NRG3: variants seen among roughly 807,000 people sequenced by gnomAD.
The protein encoded by NRG3 is neuregulin 3.
A neutral mutation model predicts 66.9 loss-of-function variants in NRG3; 31 were observed. The ratio of observed to expected loss-of-function variants is 0.46; its 90% CI spans 0.35 to 0.63. The LOEUF is 0.63. Ranked by LOEUF, NRG3 falls within the 20% of genes least tolerant of loss-of-function variation. The pLI is 0.00. For synonymous variants in NRG3, 393 were observed against 359.4 expected, an observed-to-expected ratio of 1.09 and a Z score of -1.06; for missense variants, 910 against 878.9, an observed-to-expected ratio of 1.04 and a Z score of -0.45.
intron 1 of NRG3, among the ~76,000 whole-genome samples, chr10:82,002,546 A>G (rs2133691907): frequency 6.6e-6 from 1 of 152,288 alleles, no homozygotes; most frequent in East Asian, 1.9e-4. Context: ...GTACAGTATA[A>G]ACTTCTAGTT....
intron 2 of NRG3, among the ~76,000 whole-genome samples, chr10:82,452,954 A>T (rs1175930744): frequency 1.3e-5 from 2 of 152,114 alleles, no homozygotes; most frequent in African/African-American, 4.8e-5. Flanking sequence ...CTTAGATGCA[A>T]GGGGTTCTAT....
chr10:82,435,042 T>C (rs2090048382), intron 2 of NRG3, among the ~76,000 whole-genome samples: 1 of 152,196 alleles, frequency 6.6e-6, no homozygotes, highest in Non-Finnish European at 1.5e-5. Flanking sequence ...TTTGTATTTA[T>C]GGTAGAATTC....
At chr10:82,172,657 A>G (rs1056667168) in intron 1 of NRG3, among the ~76,000 whole-genome samples, 3 of 152,102 alleles carry the variant, frequency 2.0e-5, no homozygotes, top group Admixed American at 2.0e-4. Flanking sequence ...AACCTGTCAC[A>G]CTGTGTGCAT....
chr10:82,081,097 C>T (rs936449166), intron 1 of NRG3, among the ~76,000 whole-genome samples: 3 of 152,120 alleles, frequency 2.0e-5, no homozygotes, highest in African/African-American at 7.2e-5. Context: ...TTATCAATGA[C>T]CTATAGCATG....
At chr10:82,483,007 T>A (rs1198098105) in intron 2 of NRG3, among the ~76,000 whole-genome samples, 1 of 152,144 alleles carries the variant, frequency 6.6e-6, no homozygotes, top group Non-Finnish European at 1.5e-5. Context: ...ATGCAAGAAT[T>A]TTCTTAAATG....
chr10:82,711,110 A>T (rs189050933), intron 2 of NRG3, among the ~76,000 whole-genome samples: 40 of 152,132 alleles, frequency 2.6e-4, no homozygotes, highest in African/African-American at 9.4e-4. Flanking sequence ...ACAGGGTCTC[A>T]CTCTGTCACC....
At chr10:82,318,214 G>C (rs1435095287) in intron 1 of NRG3, among the ~76,000 whole-genome samples, 3 of 152,070 alleles carry the variant, frequency 2.0e-5, no homozygotes, top group African/African-American at 7.3e-5. Context: ...GGGCATAGGG[G>C]GGCATGTAGC....
rs1592097097 is a variant in NRG3, at chr10:82,959,980, A to G, written c.1284+905A>G. Among the ~76,000 whole-genome samples the G allele has an allele frequency of 5.3e-5, 8 of 152,372 alleles. No homozygotes were observed. The South Asian group carries it at 8.3e-4, about 16-fold the overall frequency. On this transcript the variant is annotated intron_variant, in intron 6 of 8. Transcript: ENST00000372141. The stretch of plus-strand genomic sequence containing the variant: ...ACTTTCAGAATCTGAGGCATAAAAC[A>G]AAAGAACAAAGGCCATTGCATAAAC...
intron 1 of NRG3, among the ~76,000 whole-genome samples, chr10:82,337,997 C>G (rs1042051745): frequency 6.6e-6 from 1 of 152,178 alleles, no homozygotes; most frequent in Admixed American, 6.5e-5. Context: ...CGCACGCCTT[C>G]CCTTTGTCCC....
At chr10:82,187,927 C>G (rs2073903755) in intron 1 of NRG3, among the ~76,000 whole-genome samples, 1 of 149,544 alleles carries the variant, frequency 6.7e-6, no homozygotes, top group Non-Finnish European at 1.5e-5. Flanking sequence ...TAATCCCTAT[C>G]AAAATACCAA....
At chr10:82,234,477 A>C (rs1276315118) in intron 1 of NRG3, among the ~76,000 whole-genome samples, 1 of 152,212 alleles carries the variant, frequency 6.6e-6, no homozygotes. Context: ...CCAGGAGAGT[A>C]GGGATAATAT....
intron 2 of NRG3, among the ~76,000 whole-genome samples, chr10:82,715,774 C>T (rs1437868627): frequency 1.3e-5 from 2 of 152,190 alleles, no homozygotes; most frequent in African/African-American, 4.8e-5. Flanking sequence ...AGACCAGTGT[C>T]TTATAAACAA....
chr10:82,405,263 G>T (rs187610630), intron 2 of NRG3, among the ~76,000 whole-genome samples: 2 of 152,166 alleles, frequency 1.3e-5, no homozygotes, highest in African/African-American at 4.8e-5. Flanking sequence ...AGGGGCAAGC[G>T]CATCTAAGGG....
At chr10:82,624,743 T>C (rs2049292834) in intron 2 of NRG3, among the ~76,000 whole-genome samples, 1 of 148,068 alleles carries the variant, frequency 6.8e-6, no homozygotes, top group East Asian at 1.9e-4. Flanking sequence ...ATATTTAATA[T>C]AAGTTTAATT....
At chr10:82,959,826 T>A (rs1850436477) in intron 6 of NRG3, among the ~76,000 whole-genome samples, 2 of 152,220 alleles carry the variant, frequency 1.3e-5, no homozygotes, top group African/African-American at 4.8e-5. Context: ...CTTACACTTT[T>A]TGTAAGGCAG....
chr10:81,952,002 C>G (rs1342447164), intron 1 of NRG3, among the ~76,000 whole-genome samples: 1 of 151,934 alleles, frequency 6.6e-6, no homozygotes, highest in Non-Finnish European at 1.5e-5. Context: ...AACCATCATT[C>G]TCAGCAAACT....
At chr10:82,542,040 A>G (rs2043578666) in intron 2 of NRG3, among the ~76,000 whole-genome samples, 1 of 152,156 alleles carries the variant, frequency 6.6e-6, no homozygotes, top group South Asian at 2.1e-4. Context: ...CCCCGCATGC[A>G]TTAGGTATTT....
At chr10:82,717,200 T>G (rs913192997) in intron 2 of NRG3, among the ~76,000 whole-genome samples, 10 of 151,984 alleles carry the variant, frequency 6.6e-5, no homozygotes, top group African/African-American at 2.4e-4. Flanking sequence ...TAGAAACAAT[T>G]TTGGTCTATC....
chr10:82,431,870 A>C (rs377149477), intron 2 of NRG3, among the ~76,000 whole-genome samples: 2 of 152,346 alleles, frequency 1.3e-5, no homozygotes, highest in Non-Finnish European at 2.9e-5. Flanking sequence ...GAGTGATTTT[A>C]CATAGAAAGA....
Sources: allele counts gnomAD v4.1 joint callset (sites outside exome capture counted in the v4.1 genomes callset), GRCh38; gene constraint gnomAD v4.1.1; transcripts MANE v1.5; gene names NCBI Gene and HGNC (gene_info 2026-07-23, HGNC 2026-07-21).